Variants in APOBEC4 observed in about 807,000 individuals in gnomAD.
APOBEC4 encodes putative deaminase APOBEC-4.
For synonymous variants in APOBEC4, 141 were observed against 154.2 expected, an observed-to-expected ratio of 0.91 and a Z score of 0.63; for missense variants, 375 against 441.2, an observed-to-expected ratio of 0.85 and a Z score of 1.34.
At position 183,647,613 on chromosome 1, in the gene APOBEC4, C is replaced by T; in HGVS notation, c.*65G>A. ...GCTCAGCCCTGAGAGAGAAAGTTTC[C>T]AGATTTTTATTGCCTATCTAATAAG... On this transcript the variant is annotated 3_prime_UTR_variant, in exon 2 of 2. Transcript: ENST00000308641. 1 of 1,499,312 alleles carries T rather than the reference C, an allele frequency of 6.7e-7. No individual in the cohort carries two copies. Among genetic ancestry groups the T allele is most frequent in the Admixed American group, 2.2e-5 (1 of 44,844 alleles). The allele number at this position is 1,499,312 out of a possible 1,614,324, so 92.9% of individuals were successfully genotyped here. A position where few individuals can be genotyped will look rare whatever the true frequency, so the allele number is the denominator to read the frequency against.
intron 1 of APOBEC4, among the ~76,000 whole-genome samples, chr1:183,649,484 T>C (rs1308066882): frequency 6.6e-6 from 1 of 152,180 alleles, no homozygotes; most frequent in African/African-American, 2.4e-5. Context: ...TGGAAATAAT[T>C]TGGAGGTTTT....
At chr1:183,650,494 C>G (rs1044307111) in intron 1 of APOBEC4, among the ~76,000 whole-genome samples, 10 of 152,094 alleles carry the variant, frequency 6.6e-5, no homozygotes, top group South Asian at 2.1e-4. Context: ...AGTGAGCCAA[C>G]ATCCCACCAC....
At chr1:183,649,101 T>G (rs188666278) in intron 1 of APOBEC4, among the ~76,000 whole-genome samples, 2 of 152,348 alleles carry the variant, frequency 1.3e-5, no homozygotes, top group Non-Finnish European at 2.9e-5. Flanking sequence ...GGTTTTAAAT[T>G]TGGGCTTGGC....
intron 1 of APOBEC4, among the ~76,000 whole-genome samples, chr1:183,650,200 C>T (rs576352872): frequency 7.9e-5 from 12 of 152,256 alleles, no homozygotes; most frequent in Middle Eastern, 3.4e-3. Flanking sequence ...ATGTTTTATA[C>T]CCTGCTTTTT....
chr1:183,650,410 GCA>G (rs1650644982), intron 1 of APOBEC4, among the ~76,000 whole-genome samples: 1 of 152,078 alleles, frequency 6.6e-6, no homozygotes, highest in Non-Finnish European at 1.5e-5. Flanking sequence ...AGGTGTGGTG[GCA>G]TGCGCCTGTA....
In APOBEC4 at chr1:183,648,627, A is replaced by C. The variant is rs1187884315; in HGVS notation, c.155T>G (p.Phe52Cys). 1 of 1,614,244 alleles carries C rather than the reference A, an allele frequency of 6.2e-7. No homozygotes were observed. The highest frequency in any genetic ancestry group is 1.7e-5 in the Admixed American group (1 of 60,032). Residue 52 changes from phenylalanine (F) to cysteine (C), a missense_variant, in exon 2 of 2, where the codon TTT becomes TGT. Physicochemically the swap from Phe to Cys is radical, Grantham distance 205. Transcript: ENST00000308641. Reference sequence around the variant, plus strand: ...AAATGTTGTCCCATAAGGGAATCCAAAAATCTGACAAAATTCTGTGAGGGA... The same window carrying C: ...AAATGTTGTCCCATAAGGGAATCCACAAATCTGACAAAATTCTGTGAGGGA... ...RVSLTEFCQI[F>C]GFPYGTTFPQ...
rs750420334 is a variant in APOBEC4 at position 183,647,843 on chromosome 1, G to A, written c.939C>T (p.Pro313=). Residue 313 remains proline (P), a synonymous_variant, in exon 2 of 2, where the codon CCC becomes CCT. Coordinates refer to ENST00000308641, the MANE Select transcript of APOBEC4 (RefSeq NM_203454.3). ...TATTTAAGTGCCTTACGATATTCCTGGGTTTATTTGGGTTTTGGCCCATAT... is the reference window on the plus strand; with the variant it reads ...TATTTAAGTGCCTTACGATATTCCTAGGTTTATTTGGGTTTTGGCCCATAT... ...PMHMGQNPNK[P]RNIVRHLNMP... The A allele has an allele frequency of 5.6e-6, 9 of 1,614,156 alleles. No homozygotes were observed. Among genetic ancestry groups the A allele is most frequent in the Non-Finnish European group, 7.6e-6 (9 of 1,180,020 alleles).
intron 1 of APOBEC4, among the ~76,000 whole-genome samples, chr1:183,651,712 A>G (rs1390172270): frequency 6.6e-6 from 1 of 152,128 alleles, no homozygotes; most frequent in East Asian, 1.9e-4. Flanking sequence ...TTTCCTTAGT[A>G]CTATATTTTC....
chr1:183,647,926 C>T lies in APOBEC4; in HGVS notation c.856G>A (p.Asp286Asn). The change falls in exon 2 of 2, where the codon GAC (aspartate) becomes AAC (asparagine). Residue 286 changes from aspartate to asparagine, a missense_variant. Coordinates refer to ENST00000308641, the MANE Select transcript of APOBEC4 (RefSeq NM_203454.3). ...SGQLQPNLPPDLRAPVVFVLV... is the reference protein window; with the variant it reads ...SGQLQPNLPPNLRAPVVFVLV... Reference sequence around the variant, plus strand: ...ACAAAAACAACAGGAGCCCTGAGGTCTGGAGGTAGGTTGGGTTGGAGTTGT... The same window carrying T: ...ACAAAAACAACAGGAGCCCTGAGGTTTGGAGGTAGGTTGGGTTGGAGTTGT... 6.2e-7 allele frequency: 1 copy of T among 1,614,150 alleles called. No individual in the cohort carries two copies. Among genetic ancestry groups the T allele is most frequent in the East Asian group, 2.2e-5 (1 of 44,880 alleles).
intron 1 of APOBEC4, among the ~76,000 whole-genome samples, chr1:183,650,842 G>A (rs1437447633): frequency 6.6e-6 from 1 of 151,800 alleles, no homozygotes; most frequent in African/African-American, 2.4e-5. Flanking sequence ...TGAGAAGGGA[G>A]CATTGGTATT....
At chr1:183,649,755 T>A (rs533651313) in intron 1 of APOBEC4, among the ~76,000 whole-genome samples, 19 of 152,316 alleles carry the variant, frequency 1.2e-4, no homozygotes, top group African/African-American at 4.1e-4. Context: ...AAGTAATGAT[T>A]TTTTCCTTTA....
rs200661894 is a variant in APOBEC4 at position 183,647,724 on chromosome 1, C to G, written c.1058G>C (p.Ser353Thr). 133 of 1,609,538 alleles carry G rather than the reference C, an allele frequency of 8.3e-5. No homozygotes were observed. The highest frequency in any genetic ancestry group is 5.9e-4 in the South Asian group (54 of 90,950). Reference sequence around the variant, plus strand: ...CTTCTTTTCATCTGCCTCCTTGCTACTTGCAAACTGTTCTGTGATTTCCAC... The same window carrying G: ...CTTCTTTTCATCTGCCTCCTTGCTAGTTGCAAACTGTTCTGTGATTTCCAC... Reference protein sequence around the residue: ...EIVEITEQFASSKEADEKKKK... With the variant: ...EIVEITEQFATSKEADEKKKK... The change falls in exon 2 of 2, where the codon AGT (serine) becomes ACT (threonine). Residue 353 changes from serine to threonine, a missense_variant. Physicochemically the swap from Ser to Thr is moderately conservative, Grantham distance 58. Coordinates refer to ENST00000308641, the MANE Select transcript of APOBEC4 (RefSeq NM_203454.3).
intron 1 of APOBEC4, among the ~76,000 whole-genome samples, chr1:183,651,873 T>G (rs1001685028): frequency 1.3e-5 from 2 of 152,196 alleles, no homozygotes; most frequent in African/African-American, 4.8e-5. Context: ...TCTCTGGACC[T>G]CCTCCTTGCT....
At position 183,652,313 on chromosome 1, in the gene APOBEC4, T is replaced by G. The variant is rs116763894; in HGVS notation, c.-31+759A>C. Among the ~76,000 whole-genome samples, 4 of 152,338 alleles carry G rather than the reference T, an allele frequency of 2.6e-5. 1 individual carries two copies. Among genetic ancestry groups the G allele is most frequent in the African/African-American group, 9.6e-5 (4 of 41,578 alleles). On this transcript the variant is annotated intron_variant, in intron 1 of 1. Coordinates refer to ENST00000308641, the MANE Select transcript of APOBEC4 (RefSeq NM_203454.3). ...CCAGAAATGATACATCATTACTGTC[T>G]TTAAGGAGATGGAGAGGACTGTGGC...
At chr1:183,650,536 C>G (rs1237292992) in intron 1 of APOBEC4, among the ~76,000 whole-genome samples, 1 of 152,134 alleles carries the variant, frequency 6.6e-6, no homozygotes, top group Non-Finnish European at 1.5e-5. Context: ...GAGCGAGACT[C>G]TGTCTCAAAA....
In APOBEC4 at chr1:183,653,224, CT is replaced by C. The variant is rs985152842; in HGVS notation, c.-184del. 3 of 152,206 alleles carry C rather than the reference CT, an allele frequency of 2.0e-5. No individual in the cohort carries two copies. 9.4% of individuals were successfully genotyped at this position (152,206 alleles called of 1,614,324 possible). ...TTCACCTTGTAATGGGTTCAGGACTCTTTCACAGTTTGTGTCTATTCGTTCA... is the reference window on the plus strand; with the variant it reads ...TTCACCTTGTAATGGGTTCAGGACTCTTCACAGTTTGTGTCTATTCGTTCA... On this transcript the variant is annotated 5_prime_UTR_variant, in exon 1 of 2. Coordinates refer to ENST00000308641, the MANE Select transcript of APOBEC4 (RefSeq NM_203454.3).
At chr1:183,650,511 C>G (rs1354855185) in intron 1 of APOBEC4, among the ~76,000 whole-genome samples, 1 of 152,142 alleles carries the variant, frequency 6.6e-6, no homozygotes, top group African/African-American at 2.4e-5. Context: ...CCACTGCACT[C>G]CAGCCTGGGT....
intron 1 of APOBEC4, among the ~76,000 whole-genome samples, chr1:183,650,793 A>G (rs1650690806): frequency 6.6e-6 from 1 of 151,708 alleles, no homozygotes; most frequent in South Asian, 2.1e-4. Flanking sequence ...AGGTGTACCA[A>G]TCTTATCACA....
intron 1 of APOBEC4, among the ~76,000 whole-genome samples, chr1:183,650,598 CTG>C (rs1261617522): frequency 5.9e-5 from 9 of 151,984 alleles, no homozygotes; most frequent in African/African-American, 1.9e-4. Flanking sequence ...TATTATGTAA[CTG>C]TAACATTCAG....
Sources: gnomAD v4.1 joint callset for allele counts (sites outside exome capture counted in the v4.1 genomes callset) on GRCh38, gnomAD v4.1.1 for gene constraint, MANE v1.5 for transcripts, NCBI Gene and HGNC (gene_info 2026-07-23, HGNC 2026-07-21) for gene names.